The following NEDD4L variants were observed in gnomAD, a reference collection of about 807,000 sequenced individuals.
NEDD4L encodes E3 ubiquitin-protein ligase NEDD4-like.
A neutral mutation model predicts 148.9 loss-of-function variants in NEDD4L; 54 were observed. That is an observed-to-expected ratio of 0.36 (90% CI 0.29 to 0.45). The LOEUF is 0.45. Ranked by LOEUF, NEDD4L falls within the 20% of genes least tolerant of loss-of-function variation. The pLI, the probability that NEDD4L is intolerant of heterozygous loss-of-function variation, is 1.00. For synonymous variants in NEDD4L, 433 were observed against 440.7 expected (o/e 0.98, Z 0.22); for missense variants, 856 against 1,233.8 (o/e 0.69, Z 4.59).
intron 1 of NEDD4L, among the ~76,000 whole-genome samples, chr18:58,147,676 A>T (rs1455400969): frequency 6.6e-6 from 1 of 152,156 alleles, no homozygotes; most frequent in Non-Finnish European, 1.5e-5. Flanking sequence ...TTCAGTTTGC[A>T]TATGGTGAGG....
intron 1 of NEDD4L, among the ~76,000 whole-genome samples, chr18:58,071,788 T>C (rs983314876): frequency 9.9e-5 from 15 of 152,218 alleles, no homozygotes; most frequent in African/African-American, 3.6e-4. Context: ...CAAAGTCATG[T>C]CTTACATGGC....
intron 23 of NEDD4L, chr18:58,372,659 A>G (rs952524702): frequency 6.5e-6 from 1 of 152,746 alleles, no homozygotes; most frequent in Non-Finnish European, 1.5e-5. Flanking sequence ...CCCCGTCTCT[A>G]CTAAAAATAC....
intron 6 of NEDD4L, among the ~76,000 whole-genome samples, chr18:58,321,485 A>C (rs1011286465): frequency 6.6e-6 from 1 of 152,268 alleles, no homozygotes; most frequent in South Asian, 2.1e-4. Context: ...AAGTTGATTC[A>C]AGGCCAGATT....
At chr18:58,122,760 G>A (rs187076582) in intron 1 of NEDD4L, among the ~76,000 whole-genome samples, 1 of 151,464 alleles carries the variant, frequency 6.6e-6, no homozygotes, top group Admixed American at 6.6e-5. Flanking sequence ...TTTTGAGACA[G>A]AGTCTTGCTC....
intron 1 of NEDD4L, among the ~76,000 whole-genome samples, chr18:58,150,098 A>G (rs2034529132): frequency 6.6e-6 from 1 of 152,214 alleles, no homozygotes; most frequent in African/African-American, 2.4e-5. Context: ...AATTTGATGA[A>G]GATTTCAATG....
intron 5 of NEDD4L, among the ~76,000 whole-genome samples, chr18:58,311,689 T>C (rs774305399): frequency 6.6e-6 from 1 of 151,948 alleles, no homozygotes. Context: ...ACCCTAAAGA[T>C]AAGAGTCCCT....
intron 1 of NEDD4L, among the ~76,000 whole-genome samples, chr18:58,129,254 C>T (rs2031661554): frequency 6.6e-6 from 1 of 152,176 alleles, no homozygotes; most frequent in Admixed American, 6.5e-5. Context: ...GCTTGCATCT[C>T]GTCTGTTTTC....
chr18:58,281,455 C>T (rs2053078981), intron 5 of NEDD4L, among the ~76,000 whole-genome samples: 1 of 152,086 alleles, frequency 6.6e-6, no homozygotes, highest in Non-Finnish European at 1.5e-5. Flanking sequence ...TCTTTCTGCC[C>T]ACCCTGTGGC....
chr18:58,330,983 T>C, intron 11 of NEDD4L, 69 bp downstream of exon 11: 1 of 1,498,610 alleles, frequency 6.7e-7, no homozygotes, highest in Non-Finnish European at 9.2e-7. Context: ...TTAAGGAGAA[T>C]CTCTTACGTA....
At chr18:58,313,958 C>T (rs527481038) in intron 5 of NEDD4L, among the ~76,000 whole-genome samples, 1 of 152,338 alleles carries the variant, frequency 6.6e-6, no homozygotes, top group South Asian at 2.1e-4. Context: ...TGTCCTTCTG[C>T]TGATTGTCTT....
rs918931482 is a variant in NEDD4L, at chr18:58,345,806, A to G, written c.1575+2703A>G. Among the ~76,000 whole-genome samples the G allele has an allele frequency of 2.0e-5, 3 of 152,128 alleles. No homozygotes were observed. The East Asian group carries it at 5.8e-4, about 29-fold the overall frequency. The stretch of plus-strand genomic sequence containing the variant: ...GCCCAGGCTGGAGTGTAATGGCACA[A>G]TCTCAGCTCAGTGCAACCTCTGTCT... On this transcript the variant is annotated intron_variant, in intron 16 of 30. Coordinates refer to ENST00000400345, the MANE Select transcript of NEDD4L (RefSeq NM_001144967.3).
At chr18:58,095,503 G>T (rs1342844386) in intron 1 of NEDD4L, among the ~76,000 whole-genome samples, 1 of 120,840 alleles carries the variant, frequency 8.3e-6, no homozygotes, top group Non-Finnish European at 1.7e-5. Context: ...AGGAAGATGG[G>T]ACTGGAATGC....
chr18:58,318,417 C>T (rs1418686228), intron 6 of NEDD4L, among the ~76,000 whole-genome samples: 6 of 152,200 alleles, frequency 3.9e-5, no homozygotes, highest in Non-Finnish European at 7.3e-5. Context: ...ATTAACCCAG[C>T]ATGGTGGCAC....
chr18:58,383,640 C>T (rs531949120), intron 25 of NEDD4L, among the ~76,000 whole-genome samples: 4 of 152,276 alleles, frequency 2.6e-5, no homozygotes, highest in South Asian at 2.1e-4. Context: ...CGGAGAACCA[C>T]GGTGTCAGTG....
At chr18:58,117,850 G>A (rs995590503) in intron 1 of NEDD4L, among the ~76,000 whole-genome samples, 41 of 152,160 alleles carry the variant, frequency 2.7e-4, no homozygotes, top group African/African-American at 8.7e-4. Context: ...GACATGGAGT[G>A]TATAGAATGT....
At chr18:58,046,155 G>A (rs2081573554) in intron 1 of NEDD4L, 1 of 152,228 alleles carries the variant, frequency 6.6e-6, no homozygotes, top group Non-Finnish European at 1.5e-5. Context: ...TGTGATTTGT[G>A]TGTTTATTTT....
intron 5 of NEDD4L, among the ~76,000 whole-genome samples, chr18:58,253,754 A>C (rs2048186041): frequency 6.6e-6 from 1 of 152,192 alleles, no homozygotes; most frequent in Non-Finnish European, 1.5e-5. Flanking sequence ...AGAGAAATTC[A>C]CTGTTAAAAA....
intron 1 of NEDD4L, among the ~76,000 whole-genome samples, chr18:58,076,877 G>A (rs948504164): frequency 4.1e-5 from 6 of 145,450 alleles, no homozygotes; most frequent in Admixed American, 1.4e-4. Context: ...TTGAGATGGA[G>A]TCTTGCTGTG....
intron 2 of NEDD4L, among the ~76,000 whole-genome samples, chr18:58,184,722 A>T (rs940630889): frequency 2.0e-5 from 3 of 151,996 alleles, no homozygotes; most frequent in African/African-American, 7.2e-5. Flanking sequence ...TGGTCAGGAG[A>T]TCGAGACCAT....
Sources: gnomAD v4.1 joint callset for allele counts (sites outside exome capture counted in the v4.1 genomes callset) on GRCh38, gnomAD v4.1.1 for gene constraint, MANE v1.5 for transcripts, NCBI Gene and HGNC (gene_info 2026-07-23, HGNC 2026-07-21) for gene names.